Variants in DBX2 observed in about 807,000 individuals in gnomAD.
DBX2 encodes the protein homeobox protein DBX2.
In DBX2, 16 loss-of-function variants were observed where a neutral mutation model predicts 17.7. That is an observed-to-expected ratio of 0.90 (90% CI 0.61 to 1.37). DBX2 has a LOEUF of 1.37. Ranked by LOEUF, DBX2 falls within the 40% of genes most tolerant of loss-of-function variation. DBX2 has a pLI of 0.00. For missense variants in DBX2, 538 were observed against 433.8 expected, an observed-to-expected ratio of 1.24 and a Z score of -2.13; for synonymous variants, 255 against 183.8, an observed-to-expected ratio of 1.39 and a Z score of -3.13.
At chr12:45,042,240 G>A (rs1565585999) in intron 1 of DBX2, among the ~76,000 whole-genome samples, 2 of 152,178 alleles carry the variant, frequency 1.3e-5, no homozygotes, top group South Asian at 2.1e-4. Context: ...TATATAATCT[G>A]AGATCAAGAC....
At chr12:45,031,221 T>TGA (rs775544316) in intron 2 of DBX2, among the ~76,000 whole-genome samples, 2,024 of 63,692 alleles carry the variant, frequency 0.032, 18 homozygotes, top group Admixed American at 0.052. Context: ...TGTGTGTGTG[T>TGA]GTGTGAGAGA....
intron 2 of DBX2, among the ~76,000 whole-genome samples, chr12:45,032,451 A>G (rs1946415483): frequency 6.6e-6 from 1 of 152,200 alleles, no homozygotes; most frequent in Admixed American, 6.5e-5. Context: ...GTAAAAGAGA[A>G]CACAGAAAGG....
chr12:45,043,210 T>G (rs1946481427), intron 1 of DBX2, among the ~76,000 whole-genome samples: 2 of 152,148 alleles, frequency 1.3e-5, no homozygotes, highest in Admixed American at 1.3e-4. Flanking sequence ...TGGTACTCCT[T>G]CCATTGAAAG....
At position 45,045,599 on chromosome 12, in the gene DBX2, G is replaced by A. The variant is rs189938833; in HGVS notation, c.403+4926C>T. Among the ~76,000 whole-genome samples, 5 of 152,268 alleles carry A rather than the reference G, an allele frequency of 3.3e-5. No homozygotes were observed. In the East Asian group the frequency reaches 9.7e-4, roughly 29 times the overall value. ...GGTCACTAAGAACAGGAAGGAGGTG[G>A]CACACCCAAAGAGAACTATCATGGA... On this transcript the variant is annotated intron_variant, in intron 1 of 3. Coordinates refer to ENST00000332700, the MANE Select transcript of DBX2 (RefSeq NM_001004329.3).
chr12:45,032,401 G>A (rs923161381), intron 2 of DBX2, among the ~76,000 whole-genome samples: 1 of 152,022 alleles, frequency 6.6e-6, no homozygotes, highest in Non-Finnish European at 1.5e-5. Flanking sequence ...CACAAATCTG[G>A]TCAGTGTCCT....
At chr12:45,036,171 AC>A (rs1723203007) in intron 1 of DBX2, 57 bp from the exon 2 acceptor site, 1 of 1,438,636 alleles carries the variant, frequency 7.0e-7, no homozygotes, top group African/African-American at 1.4e-5. Context: ...AATATTCAAA[AC>A]TCCAGTTTCC....
chr12:45,050,981 G>C lies in DBX2; in HGVS notation c.-54C>G. The C allele has an allele frequency of 2.2e-6, 3 of 1,350,752 alleles. No individual in the cohort carries two copies. Among genetic ancestry groups the C allele is most frequent in the Non-Finnish European group, 2.8e-6 (3 of 1,054,938 alleles). 83.7% of individuals were successfully genotyped at this position (1,350,752 alleles called of 1,614,324 possible). On this transcript the variant is annotated 5_prime_UTR_variant, in exon 1 of 4. Transcript: ENST00000332700. ...CCCGCCTTGCGCCCGCCTGTCGCCC[G>C]GGCGCCCCGCACCGCACCCAGAGCC... is the stretch of plus-strand genomic sequence containing the variant.
At chr12:45,033,900 T>C (rs1338894985) in intron 2 of DBX2, among the ~76,000 whole-genome samples, 3 of 152,132 alleles carry the variant, frequency 2.0e-5, no homozygotes, top group Admixed American at 2.0e-4. Context: ...AGGCACAAAG[T>C]AGAAAGGACT....
chr12:45,036,950 G>T (rs1289660791), intron 1 of DBX2, among the ~76,000 whole-genome samples: 1 of 152,072 alleles, frequency 6.6e-6, no homozygotes, highest in Admixed American at 6.5e-5. Flanking sequence ...AAAGTTTTCA[G>T]GAGAAATGCA....
At chr12:45,038,499 C>A (rs926402274) in intron 1 of DBX2, among the ~76,000 whole-genome samples, 9 of 150,878 alleles carry the variant, frequency 6.0e-5, no homozygotes, top group African/African-American at 1.7e-4. Flanking sequence ...AATATGTATG[C>A]AATATGTGTG....
rs1275817962 is a variant in DBX2, at chr12:45,050,812, A to G, written c.116T>C (p.Leu39Pro). The stretch of plus-strand genomic sequence containing the variant: ...CCCGACCCGCAGCAAATTCTCGATC[A>G]GGAAACTCTTGCCCAGGTTGCCAAA... ...PGFGNLGKSF[L>P]IENLLRVGGA... is the part of the protein sequence containing the mutation. The change falls in exon 1 of 4, where the codon CTG becomes CCG. Residue 39 changes from leucine (L) to proline (P), a missense_variant. By Grantham distance (98) the Leu-to-Pro change is moderately conservative. Transcript: ENST00000332700. The G allele has an allele frequency of 3.3e-6, 5 of 1,538,174 alleles. No homozygotes were observed. The highest frequency in any genetic ancestry group is 2.0e-5 in the Admixed American group (1 of 49,196).
chr12:45,022,207 C>T (rs959397164), intron 3 of DBX2, among the ~76,000 whole-genome samples: 1 of 151,542 alleles, frequency 6.6e-6, no homozygotes, highest in Non-Finnish European at 1.5e-5. Flanking sequence ...TACCACACCT[C>T]GTGCGGCTTC....
intron 2 of DBX2, among the ~76,000 whole-genome samples, chr12:45,030,529 C>A (rs1261044793): frequency 1.3e-5 from 2 of 151,956 alleles, no homozygotes; most frequent in African/African-American, 2.4e-5. Flanking sequence ...ACTCTTTGCC[C>A]CAGGATAGCT....
At chr12:45,023,979 C>A in intron 2 of DBX2, 85 bp from the exon 3 acceptor site, 1 of 1,326,568 alleles carries the variant, frequency 7.5e-7, no homozygotes, top group South Asian at 1.6e-5. Context: ...TATCCTCCTA[C>A]TTTGTACTAT....
intron 1 of DBX2, among the ~76,000 whole-genome samples, chr12:45,044,640 C>T (rs149995974): frequency 1.3e-5 from 2 of 152,184 alleles, no homozygotes; most frequent in African/African-American, 2.4e-5. Context: ...AAAGACGCAA[C>T]CTTTTTGTTT....
At chr12:45,031,093 T>C (rs2137024276) in intron 2 of DBX2, among the ~76,000 whole-genome samples, 1 of 152,218 alleles carries the variant, frequency 6.6e-6, no homozygotes, top group South Asian at 2.1e-4. Context: ...TGGGCTCACC[T>C]TTTCCTGCTG....
At chr12:45,030,223 T>C (rs1265072105) in intron 2 of DBX2, among the ~76,000 whole-genome samples, 8 of 144,924 alleles carry the variant, frequency 5.5e-5, no homozygotes, top group African/African-American at 1.9e-4. Context: ...ATGGTGTTTG[T>C]AGCAGCCAGC....
At chr12:45,022,593 C>T (rs1364094511) in intron 3 of DBX2, among the ~76,000 whole-genome samples, 6 of 152,008 alleles carry the variant, frequency 3.9e-5, no homozygotes, top group Admixed American at 2.6e-4. Flanking sequence ...TGTGAGCCAC[C>T]GCGCCCGGCC....
intron 1 of DBX2, among the ~76,000 whole-genome samples, chr12:45,038,124 A>G (rs1029862938): frequency 2.6e-5 from 4 of 152,032 alleles, no homozygotes; most frequent in Non-Finnish European, 5.9e-5. Flanking sequence ...GCAGATTTAC[A>G]TTTTCATTAT....
Sources: gnomAD v4.1 joint callset for allele counts (sites outside exome capture counted in the v4.1 genomes callset) on GRCh38, gnomAD v4.1.1 for gene constraint, MANE v1.5 for transcripts, NCBI Gene and HGNC (gene_info 2026-07-23, HGNC 2026-07-21) for gene names.